BMERB1: variants seen among roughly 807,000 people sequenced by gnomAD.
BMERB1 encodes the protein bMERB domain containing 1.
Under a neutral mutation model 23.6 loss-of-function variants are expected in BMERB1, and 12 were observed. That is an observed-to-expected ratio of 0.51 (90% CI 0.33 to 0.82). The LOEUF is 0.82. Among genes scored for constraint, BMERB1 ranks in the 40% least tolerant of loss-of-function variants. The pLI, the probability that BMERB1 is intolerant of heterozygous loss-of-function variation, is 0.03. For synonymous variants in BMERB1, 122 were observed against 96.6 expected (o/e 1.26, Z -1.54); for missense variants, 247 against 255.4 (o/e 0.97, Z 0.22).
chr16:15,465,312 C>G (rs2051171322), intron 1 of BMERB1, among the ~76,000 whole-genome samples: 1 of 151,688 alleles, frequency 6.6e-6, no homozygotes, highest in Non-Finnish European at 1.5e-5. Context: ...ACACTGACAC[C>G]TTGTATCCAT....
At chr16:15,586,194 T>C (rs534474832) in intron 5 of BMERB1, among the ~76,000 whole-genome samples, 2 of 151,170 alleles carry the variant, frequency 1.3e-5, no homozygotes, top group East Asian at 3.9e-4. Context: ...GAAAAAGAGA[T>C]GAGAAATATG....
chr16:15,497,580 C>T (rs1024853501), intron 1 of BMERB1, among the ~76,000 whole-genome samples: 1 of 152,182 alleles, frequency 6.6e-6, no homozygotes, highest in Non-Finnish European at 1.5e-5. Context: ...CTCTGTCCTC[C>T]AGAACTATAA....
intron 3 of BMERB1, among the ~76,000 whole-genome samples, chr16:15,575,881 A>T (rs1042415855): frequency 2.6e-5 from 4 of 151,936 alleles, no homozygotes; most frequent in Non-Finnish European, 4.4e-5. Flanking sequence ...ACAGAAAAGG[A>T]GGAGGGTTTG....
intron 2 of BMERB1, among the ~76,000 whole-genome samples, chr16:15,548,759 G>T (rs1365744918): frequency 6.6e-6 from 1 of 152,218 alleles, no homozygotes; most frequent in African/African-American, 2.4e-5. Flanking sequence ...GAATAAACAT[G>T]AAGTTGACTT....
intron 1 of BMERB1, among the ~76,000 whole-genome samples, chr16:15,455,225 G>A (rs2051075151): frequency 6.6e-6 from 1 of 151,058 alleles, no homozygotes; most frequent in African/African-American, 2.4e-5. Context: ...TCAGGAGGCT[G>A]AGGCAGGAGA....
chr16:15,538,688 AG>A (rs1418465281), intron 2 of BMERB1, among the ~76,000 whole-genome samples: 1 of 152,220 alleles, frequency 6.6e-6, no homozygotes, highest in Non-Finnish European at 1.5e-5. Context: ...AAGCTTGCCC[AG>A]GGCATCATTA....
chr16:15,495,388 CAG>C (rs1297777180), intron 1 of BMERB1, among the ~76,000 whole-genome samples: 9 of 150,044 alleles, frequency 6.0e-5, no homozygotes, highest in Non-Finnish European at 1.0e-4. Flanking sequence ...TTTTTTGAGA[CAG>C]AGTCTCGCTC....
intron 1 of BMERB1, among the ~76,000 whole-genome samples, chr16:15,471,323 G>A (rs1195711160): frequency 1.3e-5 from 2 of 152,226 alleles, no homozygotes; most frequent in East Asian, 3.9e-4. Flanking sequence ...GAAATATCCA[G>A]GCAATTTCTG....
chr16:15,468,593 G>A (rs1290540221), intron 1 of BMERB1, among the ~76,000 whole-genome samples: 1 of 152,174 alleles, frequency 6.6e-6, no homozygotes, highest in Non-Finnish European at 1.5e-5. Flanking sequence ...CCTTGGCTGA[G>A]AGGAGGGCTC....
intron 1 of BMERB1, among the ~76,000 whole-genome samples, chr16:15,465,827 C>T (rs2051176160): frequency 6.6e-6 from 1 of 152,204 alleles, no homozygotes; most frequent in Non-Finnish European, 1.5e-5. Flanking sequence ...CATAAACAAT[C>T]TGTGATATCC....
At chr16:15,453,286 GGCA>G (rs1333364181) in intron 1 of BMERB1, among the ~76,000 whole-genome samples, 11 of 152,120 alleles carry the variant, frequency 7.2e-5, no homozygotes, top group African/African-American at 1.2e-4. Flanking sequence ...TATAAAAGAG[GGCA>G]AATGTCATTT....
At chr16:15,534,750 TCTC>T (rs2052010006) in intron 2 of BMERB1, among the ~76,000 whole-genome samples, 2 of 152,190 alleles carry the variant, frequency 1.3e-5, no homozygotes, top group Admixed American at 6.5e-5. Flanking sequence ...CTTTTTCTCT[TCTC>T]CTTTATCTCA....
At chr16:15,541,301 G>T (rs1198788005) in intron 2 of BMERB1, among the ~76,000 whole-genome samples, 1 of 152,024 alleles carries the variant, frequency 6.6e-6, no homozygotes, top group Non-Finnish European at 1.5e-5. Context: ...CAGCACACCA[G>T]TGTGTCCACC....
At chr16:15,536,831 C>G (rs1219663084) in intron 2 of BMERB1, 1 of 152,258 alleles carries the variant, frequency 6.6e-6, no homozygotes, top group Non-Finnish European at 1.5e-5. Context: ...ATCCCCTCAC[C>G]TCTTCGCTGG....
At chr16:15,561,301 C>T (rs1363156103) in intron 2 of BMERB1, among the ~76,000 whole-genome samples, 5 of 114,134 alleles carry the variant, frequency 4.4e-5, no homozygotes, top group Non-Finnish European at 1.7e-5. Flanking sequence ...AGGAGTCTCA[C>T]TCTGTTGGCC....
At chr16:15,444,319 G>A (rs1191266867) in intron 1 of BMERB1, among the ~76,000 whole-genome samples, 2 of 151,408 alleles carry the variant, frequency 1.3e-5, no homozygotes, top group Non-Finnish European at 2.9e-5. Context: ...CTATTCACTT[G>A]TTGTGGGCGT....
chr16:15,473,637 C>A (rs2051250397), intron 1 of BMERB1, among the ~76,000 whole-genome samples: 1 of 152,060 alleles, frequency 6.6e-6, no homozygotes, highest in African/African-American at 2.4e-5. Flanking sequence ...AACAAATTCT[C>A]TTAGTGTTTT....
intron 1 of BMERB1, among the ~76,000 whole-genome samples, chr16:15,497,531 G>A (rs1258762854): frequency 3.9e-5 from 6 of 152,178 alleles, no homozygotes; most frequent in African/African-American, 1.4e-4. Context: ...GGGACTACTT[G>A]TGTTGGTTTC....
At chr16:15,502,188 C>T in intron 1 of BMERB1, 1 of 1,135,238 alleles carries the variant, frequency 8.8e-7, no homozygotes, top group African/African-American at 1.5e-5. Context: ...CTTTTGTGTC[C>T]TTTGACACGT....
Sources: gnomAD v4.1 joint callset for allele counts (sites outside exome capture counted in the v4.1 genomes callset) on GRCh38, gnomAD v4.1.1 for gene constraint, MANE v1.5 for transcripts, NCBI Gene and HGNC (gene_info 2026-07-23, HGNC 2026-07-21) for gene names.